Variants in PHF13 observed in about 807,000 individuals in gnomAD.
PHF13 encodes the protein PHD finger protein 13.
In PHF13, 1 loss-of-function variant was observed where a neutral mutation model predicts 25.8. The ratio of observed to expected loss-of-function variants is 0.04; its 90% confidence interval spans 0.01 to 0.18. The LOEUF (loss-of-function observed/expected upper bound fraction) is 0.18, where lower values mean the gene tolerates loss of function less well. PHF13 is among the 10% of genes least tolerant of loss of function. The probability of loss-of-function intolerance (pLI) is 1.00; values close to 1 mark genes in which losing one functional copy is unlikely to be tolerated. For missense variants in PHF13, 306 were observed against 403.2 expected, an observed-to-expected ratio of 0.76 and a Z score of 2.06; for synonymous variants, 195 against 162.4, an observed-to-expected ratio of 1.20 and a Z score of -1.53.
At chr1:6,618,155 C>T (rs1457680558) in intron 2 of PHF13, among the ~76,000 whole-genome samples, 3 of 149,196 alleles carry the variant, frequency 2.0e-5, no homozygotes, top group Admixed American at 6.6e-5. Flanking sequence ...TTTTTTTTTG[C>T]GACAGGTCTT....
Position 6,619,955 on chromosome 1 carries a change from G to A in PHF13, c.294G>A (p.Leu98=), listed in dbSNP as rs1316775346. The part of the protein sequence containing the change: ...RCFSHLQPTL[L]QRAKPSNFLL... ...TTAGCCACCTGCAGCCTACTCTCTT[G>A]CAGCGAGCCAAGCCCAGTAACTTCC... is the stretch of plus-strand genomic sequence containing the variant. Residue 98 remains leucine (L), a synonymous_variant, in exon 3 of 4, where the codon TTG becomes TTA. Coordinates refer to ENST00000377648, the MANE Select transcript of PHF13 (RefSeq NM_153812.3). 6.2e-7 allele frequency: 1 copy of A among 1,613,876 alleles called. No individual in the cohort carries two copies. The highest frequency in any genetic ancestry group is 1.7e-5 in the Admixed American group (1 of 59,984).
chr1:6,615,157 G>A (rs1205236503), intron 1 of PHF13, among the ~76,000 whole-genome samples: 1 of 151,616 alleles, frequency 6.6e-6, no homozygotes, highest in Non-Finnish European at 1.5e-5. Context: ...TGGGCCGTGT[G>A]GGGGCGGCGT....
Position 6,614,001 on chromosome 1 carries a change from G to T in PHF13, c.-66G>T. Reference sequence around the variant, plus strand: ...CGCAGCCGCCCGAGCCCCCAGCCCCGGGCGGCCCCGCTCCAGCATCCCAGC... The same window carrying T: ...CGCAGCCGCCCGAGCCCCCAGCCCCTGGCGGCCCCGCTCCAGCATCCCAGC... On this transcript the variant is annotated 5_prime_UTR_variant, in exon 1 of 4. Coordinates refer to ENST00000377648, the MANE Select transcript of PHF13 (RefSeq NM_153812.3). The T allele has an allele frequency of 1.7e-6, 2 of 1,199,006 alleles. No homozygotes were observed. The highest frequency in any genetic ancestry group is 2.3e-6 in the Non-Finnish European group (2 of 864,458). The allele number at this position is 1,199,006 out of a possible 1,614,324, so 74.3% of individuals were successfully genotyped here.
In PHF13 at chr1:6,621,485, G is replaced by C; in HGVS notation, c.751G>C (p.Glu251Gln). The part of the protein sequence containing the change: ...FAGRPMIECN[E>Q]CHTWIHLSCA... The stretch of plus-strand genomic sequence containing the variant: ...CGGCCGCCCCATGATCGAGTGTAAT[G>C]AGTGCCACACCTGGATTCACCTGTC... Residue 251 changes from glutamate (E) to glutamine (Q), a missense_variant, in exon 4 of 4, where the codon GAG becomes CAG. Glu to Gln is a conservative substitution (Grantham distance 29). Around this residue, in one of 5 missense-constraint regions of PHF13, gnomAD observed 40 missense variants for 71.6 expected, o/e 0.56. Coordinates refer to ENST00000377648, the MANE Select transcript of PHF13 (RefSeq NM_153812.3). The surrounding 1 kb of genome is among the most constrained non-coding windows in gnomAD (Gnocchi z 4.8). The C allele has an allele frequency of 2.5e-6, 4 of 1,614,136 alleles. No individual in the cohort carries two copies. The highest frequency in any genetic ancestry group is 3.4e-6 in the Non-Finnish European group (4 of 1,180,030).
chr1:6,613,884 C>T lies in PHF13; in HGVS notation c.-183C>T. ...TCCACTCCGGTCGGCGGTGGAACCG[C>T]CAGTCCGGGGTCACAGAGCTTGAGA... On this transcript the variant is annotated 5_prime_UTR_variant, in exon 1 of 4. Coordinates refer to ENST00000377648, the MANE Select transcript of PHF13 (RefSeq NM_153812.3). 1 of 520,248 alleles carries T rather than the reference C, an allele frequency of 1.9e-6. No homozygotes were observed. Among genetic ancestry groups the T allele is most frequent in the Non-Finnish European group, 3.4e-6 (1 of 297,900 alleles). The allele number at this position is 520,248 out of a possible 1,614,324, so 32.2% of individuals were successfully genotyped here. A position where few individuals can be genotyped will look rare whatever the true frequency, so the allele number is the denominator to read the frequency against.
At chr1:6,619,752 G>T in intron 2 of PHF13, 51 bp from the exon 3 acceptor site, 1 of 1,543,798 alleles carries the variant, frequency 6.5e-7, no homozygotes, top group Non-Finnish European at 8.8e-7. Context: ...GCTCTGCTCT[G>T]GGCTGGATCT....
chr1:6,620,013 A>G lies in PHF13; in HGVS notation c.352A>G (p.Lys118Glu). Residue 118 changes from lysine to glutamate, a missense_variant, in exon 3 of 4, where the codon AAG becomes GAG. Physicochemically the swap from Lys to Glu is moderately conservative, Grantham distance 56. This residue lies in a region of PHF13 where 186 missense variants were observed against 164.0 expected (regional missense o/e 1.13). Coordinates refer to ENST00000377648, the MANE Select transcript of PHF13 (RefSeq NM_153812.3). Reference protein sequence around the residue: ...LDRKKTDKLKKKKKRKRRDSD... With the variant: ...LDRKKTDKLKEKKKRKRRDSD... ...CAGAAAGAAAACGGACAAGCTGAAG[A>G]AGAAGAAGAAGAGGAAGCGCAGGGA... The G allele has an allele frequency of 1.2e-6, 2 of 1,613,614 alleles. No individual in the cohort carries two copies. The highest frequency in any genetic ancestry group is 1.1e-5 in the South Asian group (1 of 91,074).
chr1:6,618,599 T>G lies in PHF13; in HGVS notation c.142-1204T>G, dbSNP rs370382860. Among the ~76,000 whole-genome samples, 238 of 152,346 alleles carry G rather than the reference T, an allele frequency of 1.6e-3. 1 individual carries two copies. In the Middle Eastern group the frequency reaches 0.024, roughly 15 times the overall value. On this transcript the variant is annotated intron_variant, in intron 2 of 3. Transcript: ENST00000377648. ...AGCAGGCAAACTGCCAGCATTGGTT[T>G]ATTTCCATCTGCTACATAGGTGGCT...
Position 6,613,918 on chromosome 1 carries a change from G to A in PHF13, c.-149G>A. The A allele has an allele frequency of 1.8e-6, 1 of 549,672 alleles. No homozygotes were observed. Among genetic ancestry groups the A allele is most frequent in the East Asian group, 3.5e-5 (1 of 28,980 alleles). 34.0% of individuals were successfully genotyped at this position (549,672 alleles called of 1,614,324 possible). On this transcript the variant is annotated 5_prime_UTR_variant, in exon 1 of 4. Transcript: ENST00000377648. ...GGTCACAGAGCTTGAGAAGCGACGC[G>A]CTGAGCCCCCCATCACCTCCAGCCC...
intron 1 of PHF13, among the ~76,000 whole-genome samples, chr1:6,615,052 G>A (rs1347881430): frequency 6.6e-6 from 1 of 151,268 alleles, no homozygotes; most frequent in Non-Finnish European, 1.5e-5. Flanking sequence ...CACCTTCGGG[G>A]GCCGAGTGTC....
rs559043490 is a variant in PHF13, at chr1:6,623,386, C to G, written c.*1749C>G. ...AATAGTAAGCTGGTTTAGAAACTGA[C>G]GAGGGCAAACAGCCAGGACGCATTG... On this transcript the variant is annotated 3_prime_UTR_variant, in exon 4 of 4. Transcript: ENST00000377648. 1 of 152,516 alleles carries G rather than the reference C, an allele frequency of 6.6e-6. No homozygotes were observed. The highest frequency in any genetic ancestry group is 1.5e-5 in the Non-Finnish European group (1 of 68,044). 9.4% of individuals were successfully genotyped at this position (152,516 alleles called of 1,614,324 possible).
chr1:6,616,206 T>C (rs1641258092), intron 1 of PHF13, among the ~76,000 whole-genome samples: 1 of 151,906 alleles, frequency 6.6e-6, no homozygotes, highest in Non-Finnish European at 1.5e-5. Context: ...TTTTTGTATT[T>C]TTAGTAGAGA....
chr1:6,617,693 G>T (rs1273078690), intron 2 of PHF13, among the ~76,000 whole-genome samples: 1 of 152,174 alleles, frequency 6.6e-6, no homozygotes, highest in Non-Finnish European at 1.5e-5. Flanking sequence ...TCCCAAAAGT[G>T]CTGGGATTAC....
intron 2 of PHF13, among the ~76,000 whole-genome samples, chr1:6,618,647 T>G (rs933350643): frequency 6.6e-6 from 1 of 152,156 alleles, no homozygotes; most frequent in Non-Finnish European, 1.5e-5. Context: ...CTTTTCTTTC[T>G]TTTTTTCTTT....
chr1:6,620,255 G>A lies in PHF13; in HGVS notation c.594G>A (p.Arg198=), dbSNP rs751087831. Residue 198 remains arginine (R), a synonymous_variant, in exon 3 of 4, where the codon CGG becomes CGA. Coordinates refer to ENST00000377648, the MANE Select transcript of PHF13 (RefSeq NM_153812.3). ...QVKEIKTEGK[R]TIVRQGKQVV... ...AAGAAATAAAAACTGAAGGCAAACG[G>A]ACTATCGTCCGGCAGGGAAAGCAGG... 1.9e-6 allele frequency: 3 copies of A among 1,613,870 alleles called. No individual in the cohort carries two copies. The highest frequency in any genetic ancestry group is 2.5e-6 in the Non-Finnish European group (3 of 1,180,036).
At chr1:6,619,749 T>C (rs1641310304) in intron 2 of PHF13, 54 bp from the exon 3 acceptor site, 3 of 1,536,120 alleles carry the variant, frequency 2.0e-6, no homozygotes, top group Non-Finnish European at 2.6e-6. Flanking sequence ...GATGCTCTGC[T>C]CTGGGCTGGA....
rs763511198 is a variant in PHF13, at chr1:6,620,254, G to A, written c.593G>A (p.Arg198Gln). The A allele has an allele frequency of 6.2e-7, 1 of 1,613,942 alleles. No homozygotes were observed. Among genetic ancestry groups the A allele is most frequent in the Non-Finnish European group, 8.5e-7 (1 of 1,180,020 alleles). Residue 198 changes from arginine to glutamine, a missense_variant, in exon 3 of 4, where the codon CGG (arginine) becomes CAG (glutamine). Around this residue, in one of 5 missense-constraint regions of PHF13, gnomAD observed 186 missense variants for 164.0 expected, o/e 1.13. Coordinates refer to ENST00000377648, the MANE Select transcript of PHF13 (RefSeq NM_153812.3). ...AAAGAAATAAAAACTGAAGGCAAAC[G>A]GACTATCGTCCGGCAGGGAAAGCAG... Reference protein sequence around the residue: ...QVKEIKTEGKRTIVRQGKQVV... With the variant: ...QVKEIKTEGKQTIVRQGKQVV...
chr1:6,615,675 C>T (rs1489332830), intron 1 of PHF13, among the ~76,000 whole-genome samples: 11 of 152,208 alleles, frequency 7.2e-5, no homozygotes, highest in Non-Finnish European at 1.3e-4. Context: ...GAATAAACAG[C>T]AATACGGCAC....
At chr1:6,620,446 A>T in intron 3 of PHF13, 109 bp downstream of exon 3, 2 of 1,250,182 alleles carry the variant, frequency 1.6e-6, no homozygotes, top group Non-Finnish European at 2.2e-6. Flanking sequence ...CCTTCCGTAG[A>T]GTGTGACAGC....
Sources: allele counts gnomAD v4.1 joint callset (sites outside exome capture counted in the v4.1 genomes callset), GRCh38; gene constraint gnomAD v4.1.1; regional missense constraint gnomAD v4.1.1; non-coding constraint Gnocchi (gnomAD v3.1); transcripts MANE v1.5; gene names NCBI Gene and HGNC (gene_info 2026-07-23, HGNC 2026-07-21).